Variants in MSI2 observed in about 807,000 individuals in gnomAD.
MSI2 encodes the protein RNA-binding protein Musashi homolog 2.
A neutral mutation model predicts 45.6 loss-of-function variants in MSI2; 17 were observed. The observed-to-expected ratio is 0.37, with a 90% confidence interval of 0.26 to 0.56. The LOEUF (loss-of-function observed/expected upper bound fraction) is 0.56, where lower values mean the gene tolerates loss of function less well. Among genes scored for constraint, MSI2 ranks in the 20% least tolerant of loss-of-function variants. The probability of loss-of-function intolerance (pLI) is 0.77; values close to 1 mark genes in which losing one functional copy is unlikely to be tolerated. For synonymous variants in MSI2, 156 were observed against 158.2 expected, an observed-to-expected ratio of 0.99 and a Z score of 0.11; for missense variants, 293 against 444.2, an observed-to-expected ratio of 0.66 and a Z score of 3.06.
At chr17:57,444,302 G>C (rs148579276) in intron 6 of MSI2, among the ~76,000 whole-genome samples, 124 of 152,178 alleles carry the variant, frequency 8.1e-4, no homozygotes, top group African/African-American at 2.8e-3. Flanking sequence ...AACACAGCAC[G>C]GGCCAGGCAC....
intron 6 of MSI2, among the ~76,000 whole-genome samples, chr17:57,504,653 G>T (rs1445615114): frequency 6.6e-6 from 1 of 152,220 alleles, no homozygotes; most frequent in Non-Finnish European, 1.5e-5. Flanking sequence ...AAAAGTGGCT[G>T]GGCGCAGTGG....
intron 7 of MSI2, among the ~76,000 whole-genome samples, chr17:57,567,043 G>A (rs931627094): frequency 6.6e-6 from 1 of 152,196 alleles, no homozygotes; most frequent in Non-Finnish European, 1.5e-5. Context: ...AGGGAGCTTG[G>A]GAGGTTTGGG....
chr17:57,256,767 A>C lies in MSI2; in HGVS notation c.25A>C (p.Thr9Pro). 2 of 1,476,030 alleles carry C rather than the reference A, an allele frequency of 1.4e-6. No homozygotes were observed. 91.4% of individuals were successfully genotyped at this position (1,476,030 alleles called of 1,614,324 possible). A position where few individuals can be genotyped will look rare whatever the true frequency, so the allele number is the denominator to read the frequency against. Residue 9 changes from threonine to proline, a missense_variant, in exon 1 of 14, where the codon ACC becomes CCC. Coordinates refer to ENST00000284073, the MANE Select transcript of MSI2 (RefSeq NM_138962.4). Reference protein sequence around the residue: MEANGSQGTSGSANDSQHD... With the variant: MEANGSQGPSGSANDSQHD... ...TATGGAGGCAAATGGGAGCCAAGGC[A>C]CCTCGGGCAGCGCCAACGACTCCCA...
intron 6 of MSI2, among the ~76,000 whole-genome samples, chr17:57,445,254 T>C (rs1399085360): frequency 6.6e-6 from 1 of 152,178 alleles, no homozygotes; most frequent in African/African-American, 2.4e-5. Context: ...CGCGTGTTTG[T>C]GTCTGGAGAT....
At chr17:57,442,172 G>A (rs906000779) in intron 6 of MSI2, among the ~76,000 whole-genome samples, 5 of 152,088 alleles carry the variant, frequency 3.3e-5, no homozygotes, top group Non-Finnish European at 7.3e-5. Flanking sequence ...AAGTAGCTGG[G>A]ACTACAGGCG....
At chr17:57,285,922 G>A (rs181086199) in intron 5 of MSI2, 69 of 1,533,954 alleles carry the variant, frequency 4.5e-5, no homozygotes, top group East Asian at 3.4e-4. Context: ...TAAAGAATAC[G>A]TCTTATCACG....
chr17:57,357,629 C>G (rs1417396548), intron 5 of MSI2, among the ~76,000 whole-genome samples: 1 of 152,062 alleles, frequency 6.6e-6, no homozygotes, highest in Non-Finnish European at 1.5e-5. Context: ...GCCACCAGCT[C>G]CCTATCCAGG....
chr17:57,654,573 G>A (rs1188816674), intron 11 of MSI2, among the ~76,000 whole-genome samples: 1 of 152,186 alleles, frequency 6.6e-6, no homozygotes, highest in Non-Finnish European at 1.5e-5. Context: ...CTAGGCCACA[G>A]AGGGCTCACT....
chr17:57,693,743 T>C, the MSI2 span, among the ~76,000 whole-genome samples: 5 of 152,324 alleles, frequency 3.3e-5, no homozygotes, highest in African/African-American at 1.2e-4. Context: ...TGACAGTGAG[T>C]TATTGGTCTT....
In MSI2 at chr17:57,373,265, T is replaced by C. The variant is rs184037502; in HGVS notation, c.313-28114T>C. ...TCACCAAATATTAGGTGTGTTAAGA[T>C]CCTGGGAGATCAAATTTCACCCTCT... On this transcript the variant is annotated intron_variant, in intron 5 of 13. Coordinates refer to ENST00000284073, the MANE Select transcript of MSI2 (RefSeq NM_138962.4). Among the ~76,000 whole-genome samples the C allele has an allele frequency of 1.4e-4, 21 of 151,594 alleles. 1 individual carries two copies. Among genetic ancestry groups the C allele is most frequent in the Admixed American group, 1.2e-3 (18 of 15,240 alleles).
chr17:57,348,937 C>T (rs1915817880), intron 5 of MSI2, among the ~76,000 whole-genome samples: 1 of 152,190 alleles, frequency 6.6e-6, no homozygotes, highest in African/African-American at 2.4e-5. Context: ...TGCCTGTTAA[C>T]TCTCCCAGGT....
intron 6 of MSI2, among the ~76,000 whole-genome samples, chr17:57,516,283 A>T: frequency 6.6e-6 from 1 of 152,300 alleles, no homozygotes; most frequent in African/African-American, 2.4e-5. Flanking sequence ...TGTCACAGAA[A>T]TGGAGTCATA....
At chr17:57,396,186 A>T (rs2083885568) in intron 5 of MSI2, among the ~76,000 whole-genome samples, 1 of 152,168 alleles carries the variant, frequency 6.6e-6, no homozygotes, top group South Asian at 2.1e-4. Flanking sequence ...GGCTCTCCAG[A>T]GCCATTTCCT....
At chr17:57,402,468 C>T (rs774812608) in intron 6 of MSI2, among the ~76,000 whole-genome samples, 13 of 152,162 alleles carry the variant, frequency 8.5e-5, no homozygotes, top group Non-Finnish European at 1.0e-4. Context: ...ACACAGTGCC[C>T]GTGCTAAGCT....
intron 5 of MSI2, among the ~76,000 whole-genome samples, chr17:57,304,551 T>C (rs1911720827): frequency 6.6e-6 from 1 of 150,724 alleles, no homozygotes; most frequent in Non-Finnish European, 1.5e-5. Flanking sequence ...GCCTCCCGAG[T>C]AGCTGGGACT....
At chr17:57,660,363 G>A (rs565435684) in intron 11 of MSI2, among the ~76,000 whole-genome samples, 64 of 152,280 alleles carry the variant, frequency 4.2e-4, no homozygotes, top group African/African-American at 1.2e-3. Context: ...CCTCTAAACC[G>A]AATGGCTCTT....
chr17:57,401,527 A>C, intron 6 of MSI2, 56 bp downstream of exon 6: 1 of 1,399,106 alleles, frequency 7.1e-7, no homozygotes, highest in South Asian at 1.2e-5. Flanking sequence ...ATCAGTCCTA[A>C]GAAGAGGCTA....
intron 5 of MSI2, among the ~76,000 whole-genome samples, chr17:57,277,092 C>G (rs1908933798): frequency 7.5e-6 from 1 of 132,556 alleles, no homozygotes; most frequent in Non-Finnish European, 1.6e-5. Context: ...ATTCTGCTGT[C>G]TCGCCCAGGC....
At chr17:57,382,327 G>A (rs574161437) in intron 5 of MSI2, among the ~76,000 whole-genome samples, 221 of 152,316 alleles carry the variant, frequency 1.5e-3, no homozygotes, top group African/African-American at 4.8e-3. Flanking sequence ...AGAAGGTCTA[G>A]GGAGTGCTGA....
Sources: gnomAD v4.1 joint callset for allele counts (sites outside exome capture counted in the v4.1 genomes callset) on GRCh38, gnomAD v4.1.1 for gene constraint, MANE v1.5 for transcripts, NCBI Gene and HGNC (gene_info 2026-07-23, HGNC 2026-07-21) for gene names.